Variants in PDE10A observed in about 807,000 individuals in gnomAD.
PDE10A encodes cAMP and cAMP-inhibited cGMP 3',5'-cyclic phosphodiesterase 10A.
A neutral mutation model predicts 97.7 loss-of-function variants in PDE10A; 39 were observed. The ratio of observed to expected loss-of-function variants is 0.40; its 90% confidence interval spans 0.31 to 0.52. PDE10A has a LOEUF of 0.52. Among genes scored for constraint, PDE10A ranks in the 20% least tolerant of loss-of-function variants. PDE10A has a pLI of 0.56. For missense variants in PDE10A, 731 were observed against 1,047.8 expected (o/e 0.70, Z 4.17); for synonymous variants, 371 against 376.8 (o/e 0.98, Z 0.18).
intron 1 of PDE10A, among the ~76,000 whole-genome samples, chr6:165,776,976 G>C (rs577922820): frequency 3.9e-5 from 6 of 152,306 alleles, no homozygotes; most frequent in Admixed American, 3.3e-4. Context: ...ATGCATGTTT[G>C]TTGTGTCATG....
In PDE10A at chr6:165,945,336, G is replaced by A. The variant is rs115771227; in HGVS notation, c.-615+42193C>T. Reference sequence around the variant, plus strand: ...AAAGACTCTGAGACACAGCCACACAGCTAAGCTACTCTTGACTTCCTAACC... The same window carrying A: ...AAAGACTCTGAGACACAGCCACACAACTAAGCTACTCTTGACTTCCTAACC... On this transcript the variant is annotated intron_variant, in intron 1 of 19. Transcript: ENST00000366882. 4.1e-3 allele frequency among the ~76,000 whole-genome samples: 622 copies of A among 152,302 alleles called. 9 individuals carry two copies. The highest frequency in any genetic ancestry group is 0.014 in the African/African-American group (588 of 41,554).
chr6:165,712,894 C>T (rs1163650295), intron 1 of PDE10A, among the ~76,000 whole-genome samples: 1 of 152,168 alleles, frequency 6.6e-6, no homozygotes, highest in African/African-American at 2.4e-5. Context: ...CCTGCCTCGG[C>T]CTCCCAGAGT....
intron 1 of PDE10A, among the ~76,000 whole-genome samples, chr6:165,936,040 C>T (rs912981646): frequency 7.2e-5 from 11 of 152,122 alleles, no homozygotes; most frequent in African/African-American, 1.2e-4. Context: ...GGAAGAATTC[C>T]GGATGGATTC....
chr6:165,661,638 C>T lies in PDE10A; in HGVS notation c.865+309G>A, dbSNP rs906002969. Reference sequence around the variant, plus strand: ...CGGACAAGTGTGGCCAGAAACGGCACGAGGGGCGGAGAAGGAGGCGGCAGG... The same window carrying T: ...CGGACAAGTGTGGCCAGAAACGGCATGAGGGGCGGAGAAGGAGGCGGCAGG... On this transcript the variant is annotated intron_variant, in intron 1 of 21. Coordinates refer to ENST00000539869, the MANE Select transcript of PDE10A (RefSeq NM_001385079.1). This position sits in a 1 kb window ranked among gnomAD's most constrained non-coding sequence, Gnocchi z 4.8. 24 of 366,916 alleles carry T rather than the reference C, an allele frequency of 6.5e-5. No homozygotes were observed. Among genetic ancestry groups the T allele is most frequent in the Non-Finnish European group, 4.9e-5 (10 of 206,150 alleles). 22.7% of individuals were successfully genotyped at this position (366,916 alleles called of 1,614,324 possible). A position where few individuals can be genotyped will look rare whatever the true frequency, so the allele number is the denominator to read the frequency against.
chr6:165,540,621 A>G (rs1783375600), intron 2 of PDE10A, among the ~76,000 whole-genome samples: 1 of 152,120 alleles, frequency 6.6e-6, no homozygotes, highest in Non-Finnish European at 1.5e-5. Flanking sequence ...AGAATAAGGC[A>G]TACTTGAGAA....
intron 1 of PDE10A, among the ~76,000 whole-genome samples, chr6:165,572,023 CAGA>C (rs1466451044): frequency 1.3e-5 from 2 of 152,206 alleles, no homozygotes; most frequent in African/African-American, 4.8e-5. Flanking sequence ...CAGTGAAGCA[CAGA>C]AGAATTGTGT....
chr6:165,367,241 A>G (rs143044129), intron 18 of PDE10A, among the ~76,000 whole-genome samples: 2 of 147,382 alleles, frequency 1.4e-5, no homozygotes, highest in South Asian at 2.2e-4. Flanking sequence ...ACACACACAT[A>G]TGTGTGTGTG....
At chr6:165,792,371 G>A (rs563671486) in intron 1 of PDE10A, among the ~76,000 whole-genome samples, 85 of 152,288 alleles carry the variant, frequency 5.6e-4, no homozygotes, top group Middle Eastern at 3.4e-3. Flanking sequence ...GTTGATCAGC[G>A]TCAACGCCAC....
At chr6:165,783,284 A>G (rs1778394578) in intron 1 of PDE10A, among the ~76,000 whole-genome samples, 1 of 152,210 alleles carries the variant, frequency 6.6e-6, no homozygotes, top group Non-Finnish European at 1.5e-5. Context: ...GATTACAGTC[A>G]TCATTTTAGT....
At chr6:165,984,173 C>A (rs1428995694) in intron 1 of PDE10A, among the ~76,000 whole-genome samples, 1 of 152,114 alleles carries the variant, frequency 6.6e-6, no homozygotes, top group African/African-American at 2.4e-5. Flanking sequence ...CTAAAAAAAA[C>A]TGTACAACAA....
intron 2 of PDE10A, among the ~76,000 whole-genome samples, chr6:165,540,307 C>T (rs1783352077): frequency 1.3e-5 from 2 of 152,140 alleles, no homozygotes; most frequent in South Asian, 2.1e-4. Context: ...AAATCAAATA[C>T]GGTCAGCGTT....
chr6:165,496,656 G>A (rs958758557), intron 2 of PDE10A, among the ~76,000 whole-genome samples: 5 of 152,172 alleles, frequency 3.3e-5, no homozygotes, highest in African/African-American at 4.8e-5. Flanking sequence ...TTGACAATAA[G>A]AGACCACGTC....
intron 1 of PDE10A, among the ~76,000 whole-genome samples, chr6:165,691,373 A>G (rs1791292184): frequency 6.6e-6 from 1 of 152,016 alleles, no homozygotes; most frequent in Non-Finnish European, 1.5e-5. Context: ...CTACAGATTC[A>G]GTAAAGTCAC....
chr6:165,729,388 T>C (rs1792371500), intron 1 of PDE10A, among the ~76,000 whole-genome samples: 1 of 152,224 alleles, frequency 6.6e-6, no homozygotes, highest in Non-Finnish European at 1.5e-5. Context: ...GATAAATTAC[T>C]TGAAGCAATC....
At chr6:165,536,428 A>G (rs1262623736) in intron 2 of PDE10A, among the ~76,000 whole-genome samples, 1 of 152,022 alleles carries the variant, frequency 6.6e-6, no homozygotes, top group Non-Finnish European at 1.5e-5. Context: ...AAGACCTCAA[A>G]AGCACAGGCA....
At chr6:165,761,014 C>A (rs570584009) in intron 1 of PDE10A, among the ~76,000 whole-genome samples, 1 of 152,140 alleles carries the variant, frequency 6.6e-6, no homozygotes, top group Non-Finnish European at 1.5e-5. Flanking sequence ...ACTGGGAGAA[C>A]GGGGCGGAGC....
intron 18 of PDE10A, among the ~76,000 whole-genome samples, chr6:165,367,109 G>T (rs1287366677): frequency 4.0e-5 from 6 of 151,858 alleles, no homozygotes; most frequent in African/African-American, 1.5e-4. Context: ...AGAATCTTCA[G>T]GAAAATATAT....
chr6:165,812,465 TA>T (rs1422274793), intron 1 of PDE10A, among the ~76,000 whole-genome samples: 1 of 152,224 alleles, frequency 6.6e-6, no homozygotes, highest in Non-Finnish European at 1.5e-5. Context: ...TTAAGTATCT[TA>T]AAAGTCTAGG....
At chr6:165,603,865 A>G (rs1787083947) in intron 1 of PDE10A, among the ~76,000 whole-genome samples, 1 of 152,246 alleles carries the variant, frequency 6.6e-6, no homozygotes, top group African/African-American at 2.4e-5. Context: ...AAGGTGGTAT[A>G]TGCAACAACT....
Sources: allele counts gnomAD v4.1 joint callset (sites outside exome capture counted in the v4.1 genomes callset), GRCh38; gene constraint gnomAD v4.1.1; non-coding constraint Gnocchi (gnomAD v3.1); transcripts MANE v1.5; gene names NCBI Gene and HGNC (gene_info 2026-07-23, HGNC 2026-07-21).